The following NMNAT2 variants were observed in gnomAD, a reference collection of about 807,000 sequenced individuals.
The protein encoded by NMNAT2 is nicotinamide nucleotide adenylyltransferase 2, also known as nicotinamide/nicotinic acid mononucleotide adenylyltransferase 2.
A neutral mutation model predicts 41.6 loss-of-function variants in NMNAT2; 11 were observed. The observed-to-expected ratio is 0.26, with a 90% CI of 0.17 to 0.44. NMNAT2 has a LOEUF of 0.44. NMNAT2 is among the 20% of genes least tolerant of loss of function. The pLI, the probability that NMNAT2 is intolerant of heterozygous loss-of-function variation, is 1.00. For synonymous variants in NMNAT2, 148 were observed against 151.2 expected, an observed-to-expected ratio of 0.98 and a Z score of 0.16; for missense variants, 288 against 407.7, an observed-to-expected ratio of 0.71 and a Z score of 2.53.
intron 1 of NMNAT2, among the ~76,000 whole-genome samples, chr1:183,299,552 C>T (rs1005038394): frequency 1.3e-5 from 2 of 151,648 alleles, no homozygotes; most frequent in African/African-American, 2.4e-5. Flanking sequence ...CATTTCGGCT[C>T]ATGCTTATAA....
At chr1:183,361,756 T>C (rs1663312515) in intron 1 of NMNAT2, among the ~76,000 whole-genome samples, 1 of 152,196 alleles carries the variant, frequency 6.6e-6, no homozygotes, top group African/African-American at 2.4e-5. Context: ...ATCAAGAACC[T>C]CATTTCTGAA....
intron 7 of NMNAT2, among the ~76,000 whole-genome samples, chr1:183,279,562 C>T (rs1661208024): frequency 6.6e-6 from 1 of 152,192 alleles, no homozygotes; most frequent in Non-Finnish European, 1.5e-5. Context: ...GGCCCTGAGG[C>T]CCAGGCGAGA....
At chr1:183,342,587 A>G (rs1478217476) in intron 1 of NMNAT2, among the ~76,000 whole-genome samples, 1 of 152,120 alleles carries the variant, frequency 6.6e-6, no homozygotes, top group African/African-American at 2.4e-5. Flanking sequence ...TCTTCTCCAT[A>G]TATGACTTCA....
At chr1:183,401,016 T>C (rs1016994702) in intron 1 of NMNAT2, among the ~76,000 whole-genome samples, 5 of 152,252 alleles carry the variant, frequency 3.3e-5, no homozygotes, top group South Asian at 2.1e-4. Context: ...AAGGACTTAA[T>C]GACTAAAACA....
chr1:183,287,065 C>T (rs1343208077), intron 4 of NMNAT2, among the ~76,000 whole-genome samples: 2 of 152,112 alleles, frequency 1.3e-5, no homozygotes, highest in Admixed American at 1.3e-4. Flanking sequence ...GTTATTTCAT[C>T]GCTCCTGAAC....
chr1:183,317,437 A>AT lies in NMNAT2; in HGVS notation c.86-23645dup, dbSNP rs566506926. Among the ~76,000 whole-genome samples the AT allele has an allele frequency of 3.2e-3, 492 of 151,606 alleles. 1 individual carries two copies. The highest frequency in any genetic ancestry group is 9.1e-3 in the Admixed American group (139 of 15,220). ...CCACCATGTTCAGCTAATTTAAAATATTTTTTGTGTGTGTGGAGATGAGGT... is the reference window on the plus strand; with the variant it reads ...CCACCATGTTCAGCTAATTTAAAATATTTTTTTGTGTGTGTGGAGATGAGGT... On this transcript the variant is annotated intron_variant, in intron 1 of 10. Transcript: ENST00000287713.
At chr1:183,377,948 A>C (rs1276809363) in intron 1 of NMNAT2, among the ~76,000 whole-genome samples, 1 of 152,236 alleles carries the variant, frequency 6.6e-6, no homozygotes, top group Admixed American at 6.5e-5. Context: ...GAAATCAAAA[A>C]CACAGAAACA....
At chr1:183,301,000 G>T (rs1661835427) in intron 1 of NMNAT2, among the ~76,000 whole-genome samples, 1 of 152,220 alleles carries the variant, frequency 6.6e-6, no homozygotes. Context: ...AGATTGGCAT[G>T]AGATAAGTGG....
Position 183,350,840 on chromosome 1 carries a change from G to C in NMNAT2, c.86-57047C>G, listed in dbSNP as rs564621973. On this transcript the variant is annotated intron_variant, in intron 1 of 10. Coordinates refer to ENST00000287713, the MANE Select transcript of NMNAT2 (RefSeq NM_015039.4). The stretch of plus-strand genomic sequence containing the variant: ...ATAGTTAGGTGAAGTAAGGCTCAAA[G>C]AAATTAAGTACCTTACCTAAGATCA... Among the ~76,000 whole-genome samples, 6 of 152,310 alleles carry C rather than the reference G, an allele frequency of 3.9e-5. No individual in the cohort carries two copies. In the South Asian group the frequency reaches 1.2e-3, roughly 32 times the overall value.
At chr1:183,323,871 C>T (rs796216941) in intron 1 of NMNAT2, among the ~76,000 whole-genome samples, 12 of 152,220 alleles carry the variant, frequency 7.9e-5, no homozygotes, top group African/African-American at 2.9e-4. Flanking sequence ...GCCTAAGAGG[C>T]TAAGAGAGAG....
intron 1 of NMNAT2, among the ~76,000 whole-genome samples, chr1:183,408,823 A>G (rs1312614956): frequency 6.6e-6 from 1 of 151,546 alleles, no homozygotes; most frequent in African/African-American, 2.4e-5. Context: ...TATATGTACA[A>G]TATTTATTGT....
intron 7 of NMNAT2, among the ~76,000 whole-genome samples, chr1:183,279,011 C>A (rs1035613570): frequency 1.3e-5 from 2 of 152,190 alleles, no homozygotes; most frequent in African/African-American, 4.8e-5. Flanking sequence ...TCTCTTGCTC[C>A]CTGTCAAGCT....
chr1:183,294,945 T>A (rs139921478), intron 1 of NMNAT2, among the ~76,000 whole-genome samples: 1 of 152,330 alleles, frequency 6.6e-6, no homozygotes, highest in African/African-American at 2.4e-5. Context: ...GTTTTCAGAA[T>A]TACTTTGCTG....
chr1:183,296,025 T>C (rs11805583), intron 1 of NMNAT2, among the ~76,000 whole-genome samples: 45,181 of 152,058 alleles, frequency 0.3, 7,915 homozygotes, highest in Middle Eastern at 0.4. Flanking sequence ...ATTTTTTGTA[T>C]TTTTAGTAGA....
At chr1:183,324,324 T>C (rs1037355008) in intron 1 of NMNAT2, among the ~76,000 whole-genome samples, 4 of 152,208 alleles carry the variant, frequency 2.6e-5, no homozygotes, top group Admixed American at 1.3e-4. Flanking sequence ...GAACTGACGA[T>C]GCTTCTTGCA....
At chr1:183,315,366 C>A (rs1405592225) in intron 1 of NMNAT2, among the ~76,000 whole-genome samples, 1 of 151,930 alleles carries the variant, frequency 6.6e-6, no homozygotes, top group Non-Finnish European at 1.5e-5. Flanking sequence ...TTGGTGAACA[C>A]TCAAAAATGT....
At chr1:183,302,767 C>A (rs1178314713) in intron 1 of NMNAT2, among the ~76,000 whole-genome samples, 2 of 152,222 alleles carry the variant, frequency 1.3e-5, no homozygotes, top group African/African-American at 4.8e-5. Context: ...CCTGCCTCAC[C>A]TGTCATTCCC....
intron 1 of NMNAT2, among the ~76,000 whole-genome samples, chr1:183,306,602 A>G (rs1427450528): frequency 6.6e-6 from 1 of 152,218 alleles, no homozygotes; most frequent in Non-Finnish European, 1.5e-5. Flanking sequence ...ACCATGTGTG[A>G]GAATTTCAGG....
chr1:183,286,544 C>T (rs1661402748), intron 5 of NMNAT2, 118 bp downstream of exon 5: 6 of 787,418 alleles, frequency 7.6e-6, no homozygotes, highest in Non-Finnish European at 1.2e-5. Flanking sequence ...AAATACAAGT[C>T]CTCTTTCCCC....
Sources: gnomAD v4.1 joint callset for allele counts (sites outside exome capture counted in the v4.1 genomes callset) on GRCh38, gnomAD v4.1.1 for gene constraint, MANE v1.5 for transcripts, NCBI Gene and HGNC (gene_info 2026-07-23, HGNC 2026-07-21) for gene names.